The following ESRRG variants were observed in gnomAD, a reference collection of about 807,000 sequenced individuals.
The protein encoded by ESRRG is estrogen-related receptor gamma.
In ESRRG, 13 loss-of-function variants were observed where a neutral mutation model predicts 44.0. The observed-to-expected ratio is 0.30, with a 90% CI of 0.19 to 0.47. The LOEUF is 0.47. Among genes scored for constraint, ESRRG ranks in the 20% least tolerant of loss-of-function variants. The probability of loss-of-function intolerance (pLI) is 1.00; values close to 1 mark genes in which losing one functional copy is unlikely to be tolerated. For missense variants in ESRRG, 395 were observed against 580.6 expected (o/e 0.68, Z 3.29); for synonymous variants, 215 against 214.6 (o/e 1.00, Z -0.02).
intron 2 of ESRRG, among the ~76,000 whole-genome samples, chr1:216,783,024 A>G (rs2093990199): frequency 6.6e-6 from 1 of 151,944 alleles, no homozygotes; most frequent in Admixed American, 6.6e-5. Context: ...CAGAAGATGA[A>G]ATAGAGAAGA....
intron 2 of ESRRG, among the ~76,000 whole-genome samples, chr1:216,673,387 T>C (rs1158380881): frequency 1.3e-5 from 2 of 152,260 alleles, no homozygotes; most frequent in African/African-American, 4.8e-5. Flanking sequence ...TGATGTCTGA[T>C]GATGTAGCTA....
At chr1:216,878,883 T>A (rs988722617) in intron 2 of ESRRG, among the ~76,000 whole-genome samples, 2 of 152,214 alleles carry the variant, frequency 1.3e-5, no homozygotes, top group Non-Finnish European at 2.9e-5. Flanking sequence ...CACATAAGTT[T>A]CAGATTTACG....
chr1:217,059,143 G>A, intron 1 of ESRRG, among the ~76,000 whole-genome samples: 1 of 149,702 alleles, frequency 6.7e-6, no homozygotes, highest in South Asian at 2.1e-4. Context: ...AAATGCAGGG[G>A]ACAGAGGAAC....
chr1:217,095,216 G>A (rs986212974), intron 1 of ESRRG, among the ~76,000 whole-genome samples: 1 of 152,192 alleles, frequency 6.6e-6, no homozygotes, highest in African/African-American at 2.4e-5. Flanking sequence ...CCACAACACA[G>A]ATAGTGTATA....
intron 5 of ESRRG, among the ~76,000 whole-genome samples, chr1:216,535,333 C>T (rs930163020): frequency 4.1e-4 from 62 of 152,044 alleles, no homozygotes; most frequent in African/African-American, 1.3e-3. Flanking sequence ...CTAAACCTTC[C>T]ACTGAACATC....
chr1:216,684,196 C>T (rs1165587009), intron 1 of ESRRG, among the ~76,000 whole-genome samples: 5 of 152,140 alleles, frequency 3.3e-5, no homozygotes, highest in African/African-American at 7.2e-5. Flanking sequence ...GTCATCCAGA[C>T]TATTTTAGAT....
chr1:216,772,367 A>C (rs1244523682), intron 2 of ESRRG, among the ~76,000 whole-genome samples: 1 of 152,104 alleles, frequency 6.6e-6, no homozygotes, highest in African/African-American at 2.4e-5. Context: ...ACATCCCAGA[A>C]TTCAGCAGCT....
At chr1:216,588,553 G>A (rs184434986) in intron 3 of ESRRG, among the ~76,000 whole-genome samples, 9 of 152,214 alleles carry the variant, frequency 5.9e-5, no homozygotes, top group South Asian at 2.1e-4. Context: ...CAAGCGATTC[G>A]TTAATGTTTA....
intron 1 of ESRRG, among the ~76,000 whole-genome samples, chr1:217,055,434 T>C (rs2086885224): frequency 6.6e-6 from 1 of 152,118 alleles, no homozygotes. Context: ...TTCACTTTCC[T>C]ACAGTCCAGT....
At chr1:217,110,777 A>T (rs116590459) in intron 1 of ESRRG, among the ~76,000 whole-genome samples, 2,718 of 152,224 alleles carry the variant, frequency 0.018, 76 homozygotes, top group African/African-American at 0.054. Flanking sequence ...TGGGTATTAC[A>T]TTTCAACATG....
intron 2 of ESRRG, among the ~76,000 whole-genome samples, chr1:216,880,378 A>T (rs2096427547): frequency 6.8e-6 from 1 of 146,898 alleles, no homozygotes; most frequent in South Asian, 2.2e-4. Flanking sequence ...CATTTAGGGG[A>T]TTGATAACAT....
chr1:216,939,422 G>A (rs531098293), intron 2 of ESRRG, among the ~76,000 whole-genome samples: 194 of 145,838 alleles, frequency 1.3e-3, no homozygotes, highest in Non-Finnish European at 2.4e-3. Flanking sequence ...GGCAGAATGC[G>A]GAAAACATTA....
chr1:216,588,040 ATAGTCC>A (rs1362959130), intron 3 of ESRRG, among the ~76,000 whole-genome samples: 2 of 152,192 alleles, frequency 1.3e-5, no homozygotes, highest in Non-Finnish European at 2.9e-5. Flanking sequence ...TGTATCACAG[ATAGTCC>A]TGTGAATTTT....
intron 2 of ESRRG, among the ~76,000 whole-genome samples, chr1:216,849,308 C>A (rs939761591): frequency 1.3e-5 from 2 of 152,052 alleles, no homozygotes; most frequent in African/African-American, 2.4e-5. Flanking sequence ...TTATCTTAAT[C>A]TTAATAACTA....
chr1:216,613,109 T>G (rs1212501275), intron 3 of ESRRG, among the ~76,000 whole-genome samples: 1 of 152,110 alleles, frequency 6.6e-6, no homozygotes, highest in East Asian at 1.9e-4. Flanking sequence ...CTAGGGGAAG[T>G]TTTTTGGAAA....
intron 1 of ESRRG, among the ~76,000 whole-genome samples, chr1:217,008,103 T>G (rs184322479): frequency 5.6e-4 from 85 of 152,236 alleles, no homozygotes; most frequent in African/African-American, 1.9e-3. Flanking sequence ...CAACAGAAAC[T>G]TTAAACCCAG....
intron 2 of ESRRG, among the ~76,000 whole-genome samples, chr1:216,758,929 C>T (rs539479298): frequency 6.6e-6 from 1 of 151,954 alleles, no homozygotes; most frequent in South Asian, 2.1e-4. Context: ...CAAATAACCC[C>T]TAAGAAGGTA....
intron 5 of ESRRG, among the ~76,000 whole-genome samples, chr1:216,563,328 G>A (rs1401099590): frequency 1.3e-5 from 2 of 152,136 alleles, no homozygotes; most frequent in African/African-American, 4.8e-5. Context: ...TCGCCTGACA[G>A]TTCGTTACGA....
At chr1:217,109,692 C>T (rs1580599811) in intron 1 of ESRRG, among the ~76,000 whole-genome samples, 1 of 152,166 alleles carries the variant, frequency 6.6e-6, no homozygotes, top group Admixed American at 6.6e-5. Context: ...CTGCTCTCCT[C>T]ACCAAGGGAG....
Sources: allele counts gnomAD v4.1 joint callset (sites outside exome capture counted in the v4.1 genomes callset), GRCh38; gene constraint gnomAD v4.1.1; transcripts MANE v1.5; gene names NCBI Gene and HGNC (gene_info 2026-07-23, HGNC 2026-07-21).